GRM4: variants seen among roughly 807,000 people sequenced by gnomAD.
The protein encoded by GRM4 is metabotropic glutamate receptor 4.
In GRM4, 28 loss-of-function variants were observed where a neutral mutation model predicts 81.7. The observed-to-expected ratio is 0.34, with a 90% CI of 0.25 to 0.47. The LOEUF is 0.47. Among genes scored for constraint, GRM4 ranks in the 20% least tolerant of loss-of-function variants. The pLI is 1.00. For synonymous variants in GRM4, 488 were observed against 528.8 expected (o/e 0.92, Z 1.06); for missense variants, 948 against 1,290.0 (o/e 0.73, Z 4.06).
intron 3 of GRM4, among the ~76,000 whole-genome samples, chr6:34,087,709 CACA>C (rs1767980070): frequency 1.6e-5 from 2 of 124,004 alleles, no homozygotes. Context: ...ACCCCCCCCC[CACA>C]CACACACACA....
rs1307896889 is a variant in GRM4, at chr6:34,152,360, C to T, written c.312+2719G>A. Among the ~76,000 whole-genome samples, 1 of 152,204 alleles carries T rather than the reference C, an allele frequency of 6.6e-6. No individual in the cohort carries two copies. The highest frequency in any genetic ancestry group is 2.4e-5 in the African/African-American group (1 of 41,456). The stretch of plus-strand genomic sequence containing the variant: ...CAGGCTGCACTGCCCTGGAAAAAGT[C>T]CCATCAAGGCAGAGGAGAAGGGGTA... On this transcript the variant is annotated intron_variant, in intron 1 of 8. Transcript: ENST00000374177. This position sits in a 1 kb window ranked among gnomAD's most constrained non-coding sequence, Gnocchi z 4.1.
chr6:34,142,764 G>C (rs1018512488), intron 1 of GRM4, among the ~76,000 whole-genome samples: 1 of 152,234 alleles, frequency 6.6e-6, no homozygotes, highest in African/African-American at 2.4e-5. Context: ...CTCCCTCTCA[G>C]AGAAGTCACG....
At position 34,035,559 on chromosome 6, in the gene GRM4, T is replaced by TGAAAGAGGGCAGAATGAGGCAA. The variant is rs1764644634; in HGVS notation, c.2442+108_2442+109insTTGCCTCATTCTGCCCTCTTTC. 2 of 584,792 alleles carry TGAAAGAGGGCAGAATGAGGCAA rather than the reference T, an allele frequency of 3.4e-6. No homozygotes were observed. Among genetic ancestry groups the TGAAAGAGGGCAGAATGAGGCAA allele is most frequent in the African/African-American group, 2.3e-5 (1 of 43,476 alleles). 36.2% of individuals were successfully genotyped at this position (584,792 alleles called of 1,614,324 possible). On this transcript the variant is annotated intron_variant, in intron 9 of 10. Coordinates refer to ENST00000538487, the MANE Select transcript of GRM4 (RefSeq NM_000841.4). The surrounding 1 kb of genome is among the most constrained non-coding windows in gnomAD (Gnocchi z 6.6). ...GCAAGAAAGAAGGCAGAATGAGGCATGAAAGAAGGCATTTCTGGAGCAGGG... is the reference window on the plus strand; with the variant it reads ...GCAAGAAAGAAGGCAGAATGAGGCATGAAAGAGGGCAGAATGAGGCAAGAAAGAAGGCATTTCTGGAGCAGGG...
chr6:34,150,959 G>A (rs779533975), upstream of GRM4, among the ~76,000 whole-genome samples: 4 of 152,204 alleles, frequency 2.6e-5, no homozygotes, highest in African/African-American at 4.8e-5. Context: ...TAAAGCACAG[G>A]TCCTGGTGGT....
Position 34,074,650 on chromosome 6 carries a change from A to G in GRM4, c.737-12622T>C, listed in dbSNP as rs1359084057. Reference sequence around the variant, plus strand: ...CGCAAGCAGTGTGGCTCACAGCTGCATTATTCATGGCGCTAGGCTCTGAGC... The same window carrying G: ...CGCAAGCAGTGTGGCTCACAGCTGCGTTATTCATGGCGCTAGGCTCTGAGC... On this transcript the variant is annotated intron_variant, in intron 3 of 10. Transcript: ENST00000538487. This position sits in a 1 kb window ranked among gnomAD's most constrained non-coding sequence, Gnocchi z 4.9. Among the ~76,000 whole-genome samples, 1 of 152,212 alleles carries G rather than the reference A, an allele frequency of 6.6e-6. No individual in the cohort carries two copies. The highest frequency in any genetic ancestry group is 2.4e-5 in the African/African-American group (1 of 41,444).
chr6:34,084,115 G>A (rs955061354), intron 3 of GRM4, among the ~76,000 whole-genome samples: 1 of 152,206 alleles, frequency 6.6e-6, no homozygotes, highest in Non-Finnish European at 1.5e-5. Context: ...TCTCATGAAG[G>A]ATGCCTAGAG....
chr6:34,071,612 C>CACATCA (rs757410411), intron 3 of GRM4, among the ~76,000 whole-genome samples: 6 of 6,780 alleles, frequency 8.8e-4, no homozygotes, highest in South Asian at 4.0e-3. Context: ...ACCACACACA[C>CACATCA]CCATACATCA....
intron 1 of GRM4, among the ~76,000 whole-genome samples, chr6:34,154,264 T>G (rs1771101992): frequency 6.6e-6 from 1 of 152,104 alleles, no homozygotes; most frequent in South Asian, 2.1e-4. Context: ...CGCACACACC[T>G]CCCCTCACCG....
Position 34,121,203 on chromosome 6 carries a change from C to T in GRM4, c.519+11775G>A, listed in dbSNP as rs1396131016. ...CCGGAAACCACTCACCCTCACACAC[C>T]GCCCCCCAGTCCTAAGCCTCAGACT... On this transcript the variant is annotated intron_variant, in intron 2 of 10. Coordinates refer to ENST00000538487, the MANE Select transcript of GRM4 (RefSeq NM_000841.4). The surrounding 1 kb of genome is among the most constrained non-coding windows in gnomAD (Gnocchi z 4.6). Among the ~76,000 whole-genome samples the T allele has an allele frequency of 2.0e-5, 3 of 152,224 alleles. No individual in the cohort carries two copies. Among genetic ancestry groups the T allele is most frequent in the Non-Finnish European group, 4.4e-5 (3 of 68,008 alleles).
intron 3 of GRM4, among the ~76,000 whole-genome samples, chr6:34,083,230 C>A (rs2127479974): frequency 6.6e-6 from 1 of 152,248 alleles, no homozygotes; most frequent in Non-Finnish European, 1.5e-5. Flanking sequence ...GAAAGAAAAG[C>A]AGCAGGCCCG....
intron 3 of GRM4, among the ~76,000 whole-genome samples, chr6:34,073,137 A>ACC (rs1420898343): frequency 1.5e-5 from 2 of 130,410 alleles, no homozygotes; most frequent in South Asian, 2.5e-4. Flanking sequence ...CACCACACAC[A>ACC]CACACACACA....
chr6:34,085,284 C>T (rs1767826805), intron 3 of GRM4, among the ~76,000 whole-genome samples: 2 of 152,198 alleles, frequency 1.3e-5, no homozygotes, highest in Non-Finnish European at 2.9e-5. Context: ...CCCAGGGCAG[C>T]AGCACTGCAG....
intron 1 of GRM4, among the ~76,000 whole-genome samples, chr6:34,143,581 C>A (rs1167758202): frequency 2.6e-5 from 4 of 152,238 alleles, no homozygotes; most frequent in Non-Finnish European, 5.9e-5. Flanking sequence ...CTACCCTAGG[C>A]CGGAAGGCCC....
Position 34,146,060 on chromosome 6 carries a change from C to T in GRM4, c.-424G>A. 2 of 985,238 alleles carry T rather than the reference C, an allele frequency of 2.0e-6. No individual in the cohort carries two copies. The highest frequency in any genetic ancestry group is 2.4e-6 in the Non-Finnish European group (2 of 829,784). 61.0% of individuals were successfully genotyped at this position (985,238 alleles called of 1,614,324 possible). On this transcript the variant is annotated 5_prime_UTR_variant, in exon 1 of 11. Transcript: ENST00000538487. Reference sequence around the variant, plus strand: ...AGGGGGAGGGTCAGGAACATAGCCTCCCTAACACACACCCAGAAAAGTACA... The same window carrying T: ...AGGGGGAGGGTCAGGAACATAGCCTTCCTAACACACACCCAGAAAAGTACA...
At chr6:34,051,496 A>G (rs1260262403) in intron 6 of GRM4, among the ~76,000 whole-genome samples, 1 of 151,830 alleles carries the variant, frequency 6.6e-6, no homozygotes, top group Non-Finnish European at 1.5e-5. Flanking sequence ...CAGGCAGTAA[A>G]TTTTTCCTAT....
chr6:34,062,250 C>T, intron 3 of GRM4: 1 of 474,162 alleles, frequency 2.1e-6, no homozygotes. Context: ...GGATATGTCA[C>T]TTAAGTACTC....
intron 3 of GRM4, among the ~76,000 whole-genome samples, chr6:34,075,676 C>A (rs1470572975): frequency 6.6e-6 from 1 of 152,222 alleles, no homozygotes; most frequent in Non-Finnish European, 1.5e-5. Flanking sequence ...TCTCTCTGAG[C>A]CTTATCTCCA....
At chr6:34,146,302 C>T (rs1440033525), upstream of GRM4, among the ~76,000 whole-genome samples, 1 of 152,204 alleles carries the variant, frequency 6.6e-6, no homozygotes, top group African/African-American at 2.4e-5. Context: ...GGACACTTTC[C>T]ACAGAGCCCC....
In GRM4 at chr6:34,070,084, C is replaced by G. The variant is rs539434969; in HGVS notation, c.737-8056G>C. Among the ~76,000 whole-genome samples the G allele has an allele frequency of 6.6e-6, 1 of 152,114 alleles. No homozygotes were observed. The highest frequency in any genetic ancestry group is 2.1e-4 in the South Asian group (1 of 4,824). On this transcript the variant is annotated intron_variant, in intron 3 of 10. Coordinates refer to ENST00000538487, the MANE Select transcript of GRM4 (RefSeq NM_000841.4). The surrounding 1 kb of genome is among the most constrained non-coding windows in gnomAD (Gnocchi z 4.6). ...GCTCGGCAGGAGCTGCCAGCATGGG[C>G]GTGAGGGCAGAGGCTCTGTAGGAGT... is the stretch of plus-strand genomic sequence containing the variant.
Sources: allele counts gnomAD v4.1 joint callset (sites outside exome capture counted in the v4.1 genomes callset), GRCh38; gene constraint gnomAD v4.1.1; non-coding constraint Gnocchi (gnomAD v3.1); transcripts MANE v1.5; gene names NCBI Gene and HGNC (gene_info 2026-07-23, HGNC 2026-07-21).